Variants in TJP2 observed in about 807,000 individuals in gnomAD.
TJP2 encodes Friedreich ataxia region gene X104 (tight junction protein ZO-2).
TJP2 carries 91 observed loss-of-function variants against 133.1 expected under a neutral mutation model. That is an observed-to-expected ratio of 0.68 (90% CI 0.58 to 0.81). The LOEUF is 0.81. Among genes scored for constraint, TJP2 ranks in the 40% least tolerant of loss-of-function variants. TJP2 has a pLI of 0.00. For missense variants in TJP2, 1,541 were observed against 1,565.6 expected, an observed-to-expected ratio of 0.98 and a Z score of 0.26; for synonymous variants, 592 against 583.4, an observed-to-expected ratio of 1.01 and a Z score of -0.21.
intron 1 of TJP2, among the ~76,000 whole-genome samples, chr9:69,137,329 CTTT>C (rs751674133): frequency 3.6e-5 from 4 of 111,764 alleles, no homozygotes; most frequent in East Asian, 2.3e-4. Context: ...CTTTTCTTTT[CTTT>C]TTTTTTTTTG....
At chr9:69,206,730 A>G (rs1005955096) in intron 1 of TJP2, among the ~76,000 whole-genome samples, 2 of 152,012 alleles carry the variant, frequency 1.3e-5, no homozygotes, top group Non-Finnish European at 2.9e-5. Flanking sequence ...GGTGCCTGCC[A>G]CCACACCTGG....
chr9:69,172,965 C>T (rs1824772428), upstream of TJP2, among the ~76,000 whole-genome samples: 1 of 152,130 alleles, frequency 6.6e-6, no homozygotes, highest in Admixed American at 6.5e-5. Context: ...TCCGGAGACT[C>T]GAGGCAAAGT....
chr9:69,207,360 A>T (rs997421214), intron 1 of TJP2, among the ~76,000 whole-genome samples: 4 of 152,156 alleles, frequency 2.6e-5, no homozygotes, highest in African/African-American at 4.8e-5. Flanking sequence ...TTTGAGATGC[A>T]TCCCTTTTGT....
chr9:69,233,485 A>G (rs1191617788), intron 11 of TJP2, among the ~76,000 whole-genome samples: 1 of 152,224 alleles, frequency 6.6e-6, no homozygotes, highest in Non-Finnish European at 1.5e-5. Flanking sequence ...AAGATACAGA[A>G]CTATGGGCCA....
intron 3 of TJP2, among the ~76,000 whole-genome samples, chr9:69,216,989 CTTT>C (rs10718586): frequency 2.8e-4 from 37 of 133,450 alleles, no homozygotes; most frequent in African/African-American, 9.2e-4. Context: ...TTTTTCTTTT[CTTT>C]TTTTTTTTTT....
At chr9:69,221,925 G>A (rs1299623997) in intron 5 of TJP2, among the ~76,000 whole-genome samples, 1 of 146,592 alleles carries the variant, frequency 6.8e-6, no homozygotes, top group East Asian at 2.0e-4. Flanking sequence ...AGGCTGGAGT[G>A]CAGTGGCGTA....
chr9:69,252,038 C>T (rs7041737), intron 21 of TJP2, among the ~76,000 whole-genome samples: 1 of 152,062 alleles, frequency 6.6e-6, no homozygotes, highest in Non-Finnish European at 1.5e-5. Flanking sequence ...TCTGTCACCC[C>T]GGCTGGAGTG....
At chr9:69,213,735 T>G (rs1353831559) in intron 2 of TJP2, among the ~76,000 whole-genome samples, 1 of 152,232 alleles carries the variant, frequency 6.6e-6, no homozygotes, top group Non-Finnish European at 1.5e-5. Flanking sequence ...GACTCTCCTC[T>G]GCCCTTTCCC....
intron 3 of TJP2, 112 bp downstream of exon 3, chr9:69,216,575 T>TA: frequency 8.4e-7 from 1 of 1,186,504 alleles, no homozygotes; most frequent in Non-Finnish European, 1.2e-6. Context: ...ATAACAAACT[T>TA]TTATATAATA....
chr9:69,212,820 G>C (rs987129897), intron 2 of TJP2, among the ~76,000 whole-genome samples: 1 of 152,040 alleles, frequency 6.6e-6, no homozygotes. Flanking sequence ...CATTTTAGAG[G>C]TTATTTAGTG....
At position 69,127,132 on chromosome 9, in the gene TJP2, CG is replaced by C. The variant is rs1465637531; in HGVS notation, c.-131+5408del. 2.8e-5 allele frequency among the ~76,000 whole-genome samples: 2 copies of C among 70,546 alleles called. 1 individual carries two copies. Among genetic ancestry groups the C allele is most frequent in the Non-Finnish European group, 6.4e-5 (2 of 31,372 alleles). The allele number at this position is 70,546 out of a possible 152,430, so 46.3% of individuals were successfully genotyped here. ...TCGCCCAGGCTGGAGTGCAGTGGTG[CG>C]ATCTCGGCTCACTGCAAGCTCTGCC... is the stretch of plus-strand genomic sequence containing the variant. On this transcript the variant is annotated intron_variant, in intron 1 of 5. Coordinates refer to the TJP2 transcript ENST00000423935.
chr9:69,198,255 C>T (rs1826737679), intron 1 of TJP2, among the ~76,000 whole-genome samples: 1 of 148,882 alleles, frequency 6.7e-6, no homozygotes, highest in African/African-American at 2.5e-5. Context: ...GATTCTCTTG[C>T]CTCAGCCTCC....
chr9:69,189,452 C>T (rs922390316), intron 1 of TJP2, among the ~76,000 whole-genome samples: 8 of 152,094 alleles, frequency 5.3e-5, no homozygotes, highest in African/African-American at 1.9e-4. Context: ...GTAACATTTT[C>T]AGATTCACTG....
chr9:69,214,388 G>C (rs1458505357), intron 2 of TJP2, among the ~76,000 whole-genome samples: 1 of 152,064 alleles, frequency 6.6e-6, no homozygotes, highest in African/African-American at 2.4e-5. Context: ...ACCTGGCCCA[G>C]ACTTAGCTTT....
chr9:69,213,394 C>G (rs183720181), intron 2 of TJP2, among the ~76,000 whole-genome samples: 1 of 152,044 alleles, frequency 6.6e-6, no homozygotes, highest in African/African-American at 2.4e-5. Flanking sequence ...AGCTGCCTTC[C>G]GGTCATCATC....
intron 1 of TJP2, among the ~76,000 whole-genome samples, chr9:69,188,673 C>T (rs867603497): frequency 6.6e-6 from 1 of 152,232 alleles, no homozygotes; most frequent in South Asian, 2.1e-4. Flanking sequence ...TATGAGACCC[C>T]AAAGACTCTA....
chr9:69,182,787 TC>T (rs1007726624), intron 1 of TJP2, among the ~76,000 whole-genome samples: 7 of 97,220 alleles, frequency 7.2e-5, no homozygotes. Flanking sequence ...TTGATGAATT[TC>T]TTTTTTTTTT....
chr9:69,254,750 C>A lies in TJP2; in HGVS notation c.*376C>A. On this transcript the variant is annotated 3_prime_UTR_variant, in exon 23 of 23. Transcript: ENST00000377245. ...CTTCAAGGACTGTTTCAGTGTGAGT[C>A]AGAATGTGAAAAAGGAATAAAAAAT... is the stretch of plus-strand genomic sequence containing the variant. 2.0e-6 allele frequency: 1 copy of A among 506,174 alleles called. No individual in the cohort carries two copies. The highest frequency in any genetic ancestry group is 4.3e-5 in the South Asian group (1 of 23,522). The allele number at this position is 506,174 out of a possible 1,614,324, so 31.4% of individuals were successfully genotyped here.
intron 9 of TJP2, 42 bp from the exon 10 acceptor site, chr9:69,229,142 G>A (rs772230941): frequency 3.8e-6 from 6 of 1,576,032 alleles, no homozygotes; most frequent in South Asian, 1.1e-5. Context: ...ACGCACTCTT[G>A]TTAGTCCAGA....
Sources: gnomAD v4.1 joint callset for allele counts (sites outside exome capture counted in the v4.1 genomes callset) on GRCh38, gnomAD v4.1.1 for gene constraint, MANE v1.5 for transcripts, NCBI Gene and HGNC (gene_info 2026-07-23, HGNC 2026-07-21) for gene names.